Variants in UGGT2 observed in about 807,000 individuals in gnomAD.
UGGT2 encodes UDP-glucose glycoprotein glucosyltransferase 2, also known as UDP-glucose:glycoprotein glucosyltransferase 2.
In UGGT2, 180 loss-of-function variants were observed where a neutral mutation model predicts 192.1. The observed-to-expected ratio is 0.94, with a 90% CI of 0.83 to 1.06. The LOEUF is 1.06. Among genes scored for constraint, UGGT2 ranks in the 50% least tolerant of loss-of-function variants. The pLI is 0.00. For missense variants in UGGT2, 1,849 were observed against 1,795.7 expected, an observed-to-expected ratio of 1.03 and a Z score of -0.54; for synonymous variants, 580 against 591.0, an observed-to-expected ratio of 0.98 and a Z score of 0.27.
intron 38 of UGGT2, among the ~76,000 whole-genome samples, chr13:95,811,169 C>T (rs1884561530): frequency 6.6e-6 from 1 of 152,054 alleles, no homozygotes; most frequent in Non-Finnish European, 1.5e-5. Context: ...AAAATACAGC[C>T]AGTGGTTTTG....
At chr13:95,906,859 G>C (rs2048307348) in intron 20 of UGGT2, among the ~76,000 whole-genome samples, 1 of 152,218 alleles carries the variant, frequency 6.6e-6, no homozygotes, top group African/African-American at 2.4e-5. Flanking sequence ...CTCCCAGTGT[G>C]ACCGATGCAG....
chr13:95,852,614 T>C (rs1889162555), intron 36 of UGGT2, among the ~76,000 whole-genome samples: 2 of 152,222 alleles, frequency 1.3e-5, no homozygotes, highest in Admixed American at 1.3e-4. Flanking sequence ...ATAGCAGGTA[T>C]TCAACAGATG....
chr13:96,021,392 C>T (rs2052510726), intron 4 of UGGT2, among the ~76,000 whole-genome samples: 1 of 152,066 alleles, frequency 6.6e-6, no homozygotes, highest in African/African-American at 2.4e-5. Context: ...ACAAAATTTC[C>T]TTTAAAAGAT....
intron 5 of UGGT2, among the ~76,000 whole-genome samples, chr13:96,000,978 T>C (rs1238417769): frequency 6.6e-6 from 1 of 152,216 alleles, no homozygotes; most frequent in Non-Finnish European, 1.5e-5. Context: ...TACATTATAG[T>C]TATTTTGAAC....
intron 2 of UGGT2, among the ~76,000 whole-genome samples, chr13:96,029,282 GTTAT>G (rs929675776): frequency 1.3e-5 from 2 of 152,030 alleles, no homozygotes; most frequent in East Asian, 3.9e-4. Context: ...TATTTTAAGT[GTTAT>G]TTATTTATTT....
intron 15 of UGGT2, among the ~76,000 whole-genome samples, chr13:95,946,470 A>G (rs1253271804): frequency 6.6e-6 from 1 of 152,072 alleles, no homozygotes; most frequent in Non-Finnish European, 1.5e-5. Context: ...CTGGGCCCAA[A>G]TGATCCTCCC....
intron 5 of UGGT2, among the ~76,000 whole-genome samples, chr13:96,004,207 A>T (rs921019204): frequency 1.3e-5 from 2 of 152,006 alleles, no homozygotes; most frequent in Non-Finnish European, 2.9e-5. Context: ...TGTTTTTAAA[A>T]TTTTTTATTT....
At chr13:95,884,437 G>A in intron 27 of UGGT2, 54 bp downstream of exon 27, 1 of 1,387,358 alleles carries the variant, frequency 7.2e-7, no homozygotes, top group Non-Finnish European at 9.6e-7. Context: ...TGTAATAGCT[G>A]ATAAGAATTT....
intron 5 of UGGT2, among the ~76,000 whole-genome samples, chr13:96,007,720 T>C (rs946470529): frequency 4.6e-4 from 70 of 152,078 alleles, no homozygotes; most frequent in African/African-American, 1.7e-3. Context: ...GGAATTAATT[T>C]AACCAAAAAA....
In UGGT2 at chr13:95,860,850, C is replaced by T. The variant is rs555107833; in HGVS notation, c.3678G>A (p.Lys1226=). Residue 1226 remains lysine (K), a synonymous_variant, in exon 32 of 39, where the codon AAG becomes AAA. Coordinates refer to ENST00000376747, the MANE Select transcript of UGGT2 (RefSeq NM_020121.4). Reference sequence around the variant, plus strand: ...AAAAAATGTTTAGGACATCTTTTTCCTTTTTGTTTTCTTTATGCAAGCTTA... The same window carrying T: ...AAAAAATGTTTAGGACATCTTTTTCTTTTTTGTTTTCTTTATGCAAGCTTA... ...FTVSLHKENK[K]EKDVLNIFSV... The T allele has an allele frequency of 1.3e-5, 21 of 1,559,288 alleles. No homozygotes were observed. In the African/African-American group the frequency reaches 2.3e-4, roughly 17 times the overall value.
chr13:95,948,114 A>G (rs778582166), intron 13 of UGGT2, 33 bp from the exon 14 acceptor site: 29 of 1,538,964 alleles, frequency 1.9e-5, no homozygotes, highest in Non-Finnish European at 1.8e-5. Context: ...CACTATTTCA[A>G]CACCTTAGAA....
intron 27 of UGGT2, among the ~76,000 whole-genome samples, chr13:95,881,806 G>T (rs1185236124): frequency 1.3e-5 from 2 of 151,942 alleles, no homozygotes; most frequent in Non-Finnish European, 2.9e-5. Context: ...TCATATATAT[G>T]CTGTGATGAA....
intron 1 of UGGT2, among the ~76,000 whole-genome samples, chr13:96,034,074 CACTT>C (rs984250424): frequency 6.6e-6 from 1 of 152,136 alleles, no homozygotes; most frequent in African/African-American, 2.4e-5. Flanking sequence ...AGTCAGCACA[CACTT>C]ACCCCCCTCT....
chr13:95,828,772 C>T (rs1205424171), intron 38 of UGGT2, among the ~76,000 whole-genome samples: 1 of 152,168 alleles, frequency 6.6e-6, no homozygotes, highest in Non-Finnish European at 1.5e-5. Flanking sequence ...CCTTCTGAAA[C>T]TATTCCAATT....
In UGGT2 at chr13:96,050,152, G is replaced by A. The variant is rs180762223; in HGVS notation, c.158+3003C>T. On this transcript the variant is annotated intron_variant, in intron 1 of 38. Transcript: ENST00000376747. ...TAGAGATATAGACCAATGGAACAGA[G>A]CAGAGCCCTCAGAAATAATACCACA... Among the ~76,000 whole-genome samples the A allele has an allele frequency of 6.6e-5, 10 of 152,250 alleles. No homozygotes were observed. In the East Asian group the frequency reaches 1.4e-3, roughly 21 times the overall value.
In UGGT2 at chr13:95,807,716, CTTTT is replaced by C; in HGVS notation, c.4529-5908_4529-5905del. 3.5e-3 allele frequency among the ~76,000 whole-genome samples: 272 copies of C among 78,704 alleles called. 15 individuals are homozygous for C. Among genetic ancestry groups the C allele is most frequent in the Middle Eastern group, 0.014 (2 of 142 alleles). 51.6% of individuals were successfully genotyped at this position (78,704 alleles called of 152,430 possible). ...GTATCTTGAAACCCTCAGCCCTCAC[CTTTT>C]TTTTTTTTTTTTTTTGCCGTATTCA... On this transcript the variant is annotated intron_variant, in intron 38 of 38. Coordinates refer to ENST00000376747, the MANE Select transcript of UGGT2 (RefSeq NM_020121.4).
intron 20 of UGGT2, among the ~76,000 whole-genome samples, chr13:95,905,075 T>C (rs964127504): frequency 2.0e-4 from 30 of 152,132 alleles, no homozygotes; most frequent in African/African-American, 6.5e-4. Context: ...CATGTGTTTT[T>C]TGGCTGCATA....
intron 1 of UGGT2, among the ~76,000 whole-genome samples, chr13:96,050,680 C>T (rs1374008008): frequency 1.3e-5 from 2 of 152,160 alleles, no homozygotes; most frequent in Admixed American, 6.5e-5. Context: ...AGGATATGAA[C>T]AGACACTTCT....
intron 38 of UGGT2, among the ~76,000 whole-genome samples, chr13:95,807,716 C>CTTTTTTTTTTTTTTTTT: frequency 0.054 from 4,193 of 78,148 alleles, 618 homozygotes; most frequent in Non-Finnish European, 0.071. Context: ...CAGCCCTCAC[C>CTTTTTTTTTTTTTTTTT]TTTTTTTTTT....
Sources: gnomAD v4.1 joint callset for allele counts (sites outside exome capture counted in the v4.1 genomes callset) on GRCh38, gnomAD v4.1.1 for gene constraint, MANE v1.5 for transcripts, NCBI Gene and HGNC (gene_info 2026-07-23, HGNC 2026-07-21) for gene names.